Variants in WRAP53 observed in about 807,000 individuals in gnomAD.
WRAP53 encodes telomerase Cajal body protein 1.
In WRAP53, 28 loss-of-function variants were observed where a neutral mutation model predicts 56.6. The observed-to-expected ratio is 0.50, with a 90% CI of 0.37 to 0.68. WRAP53 has a LOEUF of 0.68. WRAP53 is among the 30% of genes least tolerant of loss of function. The pLI is 0.00. For missense variants in WRAP53, 671 were observed against 715.5 expected, an observed-to-expected ratio of 0.94 and a Z score of 0.71; for synonymous variants, 283 against 283.4, an observed-to-expected ratio of 1.00 and a Z score of 0.01.
intron 4 of WRAP53, among the ~76,000 whole-genome samples, chr17:7,698,225 A>AG (rs1170548271): frequency 6.6e-6 from 1 of 152,216 alleles, no homozygotes; most frequent in African/African-American, 2.4e-5. Context: ...GAAACTGTAG[A>AG]GAAACCCTTC....
rs192648878 is a variant in WRAP53, at chr17:7,691,691, A to C, written c.642+1990A>C. Among the ~76,000 whole-genome samples, 81 of 151,504 alleles carry C rather than the reference A, an allele frequency of 5.3e-4. 1 individual carries two copies. The East Asian group carries it at 0.014, about 26-fold the overall frequency. ...AGGCATGAGCCACCGCGCCTGGCTT[A>C]ATTTTTGTATTTTTAGTAGAGACAG... On this transcript the variant is annotated intron_variant, in intron 4 of 10. Coordinates refer to ENST00000396463, the MANE Select transcript of WRAP53 (RefSeq NM_001143992.2).
At position 7,703,286 on chromosome 17, in the gene WRAP53, CGT is replaced by C. The variant is rs2074300801; in HGVS notation, c.1452_1453del (p.Phe485SerfsTer2). The C allele has an allele frequency of 1.9e-6, 3 of 1,613,876 alleles. No homozygotes were observed. The highest frequency in any genetic ancestry group is 2.5e-6 in the Non-Finnish European group (3 of 1,180,024). On this transcript the variant is annotated frameshift_variant, in exon 11 of 11. Coordinates refer to ENST00000396463, the MANE Select transcript of WRAP53 (RefSeq NM_001143992.2). LOFTEE classifies it low-confidence loss of function (END_TRUNC). ...TCTCCTGGCCACTGCCTCCGGTCAG[CGT>C]GTGTTTCCTGAGCCCACAGAGAGTG... is the stretch of plus-strand genomic sequence containing the variant. ...LPLLATASGQ[R>X]VFPEPTESGD...
chr17:7,699,125 G>A (rs1469904174), intron 4 of WRAP53, among the ~76,000 whole-genome samples: 2 of 150,736 alleles, frequency 1.3e-5, no homozygotes, highest in Non-Finnish European at 3.0e-5. Flanking sequence ...TTTCCCATAT[G>A]AATATACTCC....
At chr17:7,693,264 T>C (rs1445291764) in intron 4 of WRAP53, among the ~76,000 whole-genome samples, 1 of 151,854 alleles carries the variant, frequency 6.6e-6, no homozygotes, top group Non-Finnish European at 1.5e-5. Context: ...CGGTACCCGC[T>C]AGAGGTCTGT....
chr17:7,693,498 C>T lies in WRAP53; in HGVS notation c.642+3797C>T, dbSNP rs1044551121. On this transcript the variant is annotated intron_variant, in intron 4 of 10. Coordinates refer to ENST00000396463, the MANE Select transcript of WRAP53 (RefSeq NM_001143992.2). ...CTTTGGGGGGCCGAGGCAGGTGGATCGCCTGAGGTCAGGAATTCAAGACCG... is the reference window on the plus strand; with the variant it reads ...CTTTGGGGGGCCGAGGCAGGTGGATTGCCTGAGGTCAGGAATTCAAGACCG... Among the ~76,000 whole-genome samples, 16 of 152,234 alleles carry T rather than the reference C, an allele frequency of 1.1e-4. No homozygotes were observed. The East Asian group carries it at 1.4e-3, about 13-fold the overall frequency.
In WRAP53 at chr17:7,688,496, G is replaced by A; in HGVS notation, c.-67G>A. 1 of 771,442 alleles carries A rather than the reference G, an allele frequency of 1.3e-6. No individual in the cohort carries two copies. Among genetic ancestry groups the A allele is most frequent in the Non-Finnish European group, 2.1e-6 (1 of 486,590 alleles). 47.8% of individuals were successfully genotyped at this position (771,442 alleles called of 1,614,324 possible). A position where few individuals can be genotyped will look rare whatever the true frequency, so the allele number is the denominator to read the frequency against. ...GAACACAGTGCTTTCAAAAGAATTG[G>A]CGTCCGCTGTTCGCCTCTCCTCCCG... On this transcript the variant is annotated 5_prime_UTR_variant, in exon 1 of 11. Transcript: ENST00000396463.
chr17:7,699,492 A>ATATATT (rs2074238797), intron 4 of WRAP53, among the ~76,000 whole-genome samples: 11 of 13,598 alleles, frequency 8.1e-4, no homozygotes, highest in South Asian at 5.6e-3. Flanking sequence ...ATATATATAT[A>ATATATT]TATATATATT....
intron 4 of WRAP53, among the ~76,000 whole-genome samples, chr17:7,694,997 G>A (rs1760074629): frequency 6.6e-6 from 1 of 151,540 alleles, no homozygotes; most frequent in African/African-American, 2.4e-5. Context: ...GTGTCCCCCA[G>A]GCTGGAGTGC....
intron 4 of WRAP53, among the ~76,000 whole-genome samples, chr17:7,700,272 G>A (rs1454950124): frequency 6.6e-6 from 1 of 151,932 alleles, no homozygotes; most frequent in South Asian, 2.1e-4. Context: ...TACTCAGTAA[G>A]TATTTGAATA....
At position 7,688,511 on chromosome 17, in the gene WRAP53, C is replaced by G. The variant is rs79199718; in HGVS notation, c.-52C>G. 3.3e-6 allele frequency: 3 copies of G among 910,736 alleles called. No individual in the cohort carries two copies. The highest frequency in any genetic ancestry group is 5.2e-5 in the Admixed American group (2 of 38,706). The allele number at this position is 910,736 out of a possible 1,614,324, so 56.4% of individuals were successfully genotyped here. On this transcript the variant is annotated 5_prime_UTR_variant, in exon 1 of 11. Transcript: ENST00000396463. ...AAAAGAATTGGCGTCCGCTGTTCGC[C>G]TCTCCTCCCGGGAGTCTTCTGCCTA...
chr17:7,703,262 C>A lies in WRAP53; in HGVS notation c.1423C>A (p.Leu475Ile), dbSNP rs1310295654. ...NGVSLHPSLP[L>I]LATASGQRVF... ...CCTCAGCCTGCACCCTAGCCTGCCT[C>A]TCCTGGCCACTGCCTCCGGTCAGCG... Residue 475 changes from leucine to isoleucine, a missense_variant, in exon 11 of 11, where the codon CTC (leucine) becomes ATC (isoleucine). Physicochemically the swap from Leu to Ile is conservative, Grantham distance 5 (BLOSUM62 2). Coordinates refer to ENST00000396463, the MANE Select transcript of WRAP53 (RefSeq NM_001143992.2). 1 of 1,613,740 alleles carries A rather than the reference C, an allele frequency of 6.2e-7. No individual in the cohort carries two copies. Among genetic ancestry groups the A allele is most frequent in the South Asian group, 1.1e-5 (1 of 91,084 alleles).
In WRAP53 at chr17:7,702,264, A is replaced by G; in HGVS notation, c.956-80A>G. The stretch of plus-strand genomic sequence containing the variant: ...TGAGTCCAAGCATGTTGGTGCTGGG[A>G]CGGGAGACAGACCTCTGCTTAGCCT... On this transcript the variant is annotated intron_variant, in intron 7 of 10. Transcript: ENST00000396463. The surrounding 1 kb of genome is among the most constrained non-coding windows in gnomAD (Gnocchi z 5.0). 6.8e-7 allele frequency: 1 copy of G among 1,481,366 alleles called. No homozygotes were observed. Among genetic ancestry groups the G allele is most frequent in the South Asian group, 1.1e-5 (1 of 87,778 alleles). The allele number at this position is 1,481,366 out of a possible 1,614,324, so 91.8% of individuals were successfully genotyped here.
At position 7,702,567 on chromosome 17, in the gene WRAP53, C is replaced by A. The variant is rs779696758; in HGVS notation, c.1164+15C>A. The A allele has an allele frequency of 2.5e-6, 4 of 1,604,472 alleles. No homozygotes were observed. Among genetic ancestry groups the A allele is most frequent in the Non-Finnish European group, 3.4e-6 (4 of 1,178,802 alleles). ...GAGCCCGCAAGGTAGGGGTCACACC[C>A]TGAGAGCCCAAAGCAGCTGGGCAGC... On this transcript the variant is annotated intron_variant, in intron 8 of 10. Transcript: ENST00000396463. The surrounding 1 kb of genome is among the most constrained non-coding windows in gnomAD (Gnocchi z 5.0).
intron 4 of WRAP53, among the ~76,000 whole-genome samples, chr17:7,695,247 A>C (rs760035612): frequency 6.6e-6 from 1 of 152,074 alleles, no homozygotes; most frequent in Non-Finnish European, 1.5e-5. Flanking sequence ...GAGCCACTGC[A>C]CCCGGCCTTA....
In WRAP53 at chr17:7,702,643, G is replaced by A; in HGVS notation, c.1164+91G>A. 1 of 1,596,930 alleles carries A rather than the reference G, an allele frequency of 6.3e-7. No individual in the cohort carries two copies. Among genetic ancestry groups the A allele is most frequent in the Non-Finnish European group, 8.5e-7 (1 of 1,174,988 alleles). On this transcript the variant is annotated intron_variant, in intron 8 of 10. Transcript: ENST00000396463. The surrounding 1 kb of genome is among the most constrained non-coding windows in gnomAD (Gnocchi z 5.0). ...CAGTGTAGGGGAATGGGTGGGGATGGGGAAAAAATCCCAAGCTGAAGGAGT... is the reference window on the plus strand; with the variant it reads ...CAGTGTAGGGGAATGGGTGGGGATGAGGAAAAAATCCCAAGCTGAAGGAGT...
At chr17:7,693,456 C>T (rs1278491088) in intron 4 of WRAP53, among the ~76,000 whole-genome samples, 5 of 152,150 alleles carry the variant, frequency 3.3e-5, no homozygotes, top group Non-Finnish European at 5.9e-5. Flanking sequence ...CGGTGGCTCA[C>T]GCCTATAATC....
At chr17:7,697,938 G>T (rs1433709367) in intron 4 of WRAP53, among the ~76,000 whole-genome samples, 1 of 151,226 alleles carries the variant, frequency 6.6e-6, no homozygotes, top group Non-Finnish European at 1.5e-5. Flanking sequence ...TGCGAACATG[G>T]CACACTGTAG....
At chr17:7,697,055 T>C (rs532119907) in intron 4 of WRAP53, among the ~76,000 whole-genome samples, 1 of 152,260 alleles carries the variant, frequency 6.6e-6, no homozygotes, top group African/African-American at 2.4e-5. Context: ...GCATGGTGGC[T>C]CATGCCTGTA....
chr17:7,686,492 C>T (rs1401518528), upstream of WRAP53: 2 of 152,188 alleles, frequency 1.3e-5, no homozygotes, highest in Admixed American at 6.5e-5. Context: ...AAAACAAATA[C>T]CCCTGCCTTT....
Sources: gnomAD v4.1 joint callset for allele counts (sites outside exome capture counted in the v4.1 genomes callset) on GRCh38, gnomAD v4.1.1 for gene constraint, Gnocchi (gnomAD v3.1) non-coding constraint, MANE v1.5 for transcripts, NCBI Gene and HGNC (gene_info 2026-07-23, HGNC 2026-07-21) for gene names.